Variants in RSF1 observed in about 807,000 individuals in gnomAD.
The protein encoded by RSF1 is remodeling and spacing factor 1.
RSF1 carries 13 observed loss-of-function variants against 145.2 expected under a neutral mutation model. The observed-to-expected ratio is 0.09, with a 90% CI of 0.06 to 0.14. The LOEUF (loss-of-function observed/expected upper bound fraction) is 0.14, where lower values mean the gene tolerates loss of function less well. Among genes scored for constraint, RSF1 ranks in the 10% least tolerant of loss-of-function variants. RSF1 has a pLI of 1.00. For synonymous variants in RSF1, 577 were observed against 592.6 expected (o/e 0.97, Z 0.38); for missense variants, 1,517 against 1,718.2 (o/e 0.88, Z 2.07).
intron 2 of RSF1, among the ~76,000 whole-genome samples, chr11:77,758,241 T>C (rs1464586481): frequency 6.6e-6 from 1 of 151,974 alleles, no homozygotes; most frequent in Non-Finnish European, 1.5e-5. Context: ...AACTTTCACA[T>C]ATTCCATTTT....
At chr11:77,761,840 T>TC (rs1236256925) in intron 2 of RSF1, among the ~76,000 whole-genome samples, 2 of 146,524 alleles carry the variant, frequency 1.4e-5, no homozygotes, top group African/African-American at 5.1e-5. Context: ...TTTTTTTTTT[T>TC]TTTTTTTTGA....
At chr11:77,706,729 C>A (rs903715447) in intron 5 of RSF1, among the ~76,000 whole-genome samples, 5 of 151,740 alleles carry the variant, frequency 3.3e-5, no homozygotes, top group African/African-American at 4.8e-5. Context: ...AGGTAAATTG[C>A]GTATCATGAG....
At chr11:77,729,812 T>C in intron 4 of RSF1, among the ~76,000 whole-genome samples, 1 of 149,756 alleles carries the variant, frequency 6.7e-6, no homozygotes, top group East Asian at 1.9e-4. Flanking sequence ...AACAAGCCTT[T>C]TGTAAATATT....
chr11:77,736,200 G>A (rs1961348226), intron 4 of RSF1, among the ~76,000 whole-genome samples: 1 of 152,172 alleles, frequency 6.6e-6, no homozygotes, highest in Non-Finnish European at 1.5e-5. Context: ...AAACGTTCTT[G>A]CTCCTGTCAA....
intron 1 of RSF1, among the ~76,000 whole-genome samples, chr11:77,772,528 C>T (rs1948296551): frequency 6.6e-6 from 1 of 151,964 alleles, no homozygotes; most frequent in Admixed American, 6.6e-5. Context: ...AAAACCTGCA[C>T]TTAATATAAC....
intron 2 of RSF1, among the ~76,000 whole-genome samples, chr11:77,755,420 A>G (rs1032208365): frequency 2.6e-5 from 4 of 152,214 alleles, no homozygotes; most frequent in African/African-American, 7.2e-5. Flanking sequence ...GCTTTTAACT[A>G]AGGTATTAAA....
chr11:77,801,359 C>T (rs938442798), intron 1 of RSF1, among the ~76,000 whole-genome samples: 1 of 152,020 alleles, frequency 6.6e-6, no homozygotes, highest in Non-Finnish European at 1.5e-5. Context: ...ACCCAGGAGG[C>T]GGAGGCTGCA....
At chr11:77,826,267 C>T in the RSF1 span, among the ~76,000 whole-genome samples, 2 of 151,570 alleles carry the variant, frequency 1.3e-5, no homozygotes, top group Non-Finnish European at 2.9e-5. Flanking sequence ...GAGGCTGAGG[C>T]AGGAGAATCA....
intron 1 of RSF1, among the ~76,000 whole-genome samples, chr11:77,814,307 G>C (rs960826099): frequency 2.6e-5 from 4 of 151,966 alleles, no homozygotes. Flanking sequence ...AGACCAGCCT[G>C]GACAATACAG....
intron 5 of RSF1, among the ~76,000 whole-genome samples, chr11:77,714,917 A>G (rs1960770995): frequency 6.6e-6 from 1 of 152,118 alleles, no homozygotes. Flanking sequence ...TGAGGCCAGG[A>G]GTCTAAGACT....
At chr11:77,843,024 A>T in the RSF1 span, among the ~76,000 whole-genome samples, 1 of 152,138 alleles carries the variant, frequency 6.6e-6, no homozygotes, top group South Asian at 2.1e-4. Flanking sequence ...CATCATTCAG[A>T]TATCTTAGGT....
At chr11:77,709,346 T>C (rs751383897) in intron 5 of RSF1, among the ~76,000 whole-genome samples, 2 of 152,210 alleles carry the variant, frequency 1.3e-5, no homozygotes, top group Non-Finnish European at 2.9e-5. Context: ...ACATGTAACC[T>C]CCATCATGGG....
Position 77,666,644 on chromosome 11 carries a change from G to C in RSF1, c.*273C>G. The C allele has an allele frequency of 3.7e-6, 1 of 268,326 alleles. No homozygotes were observed. The highest frequency in any genetic ancestry group is 6.9e-6 in the Non-Finnish European group (1 of 144,080). The allele number at this position is 268,326 out of a possible 1,614,324, so 16.6% of individuals were successfully genotyped here. On this transcript the variant is annotated 3_prime_UTR_variant, in exon 16 of 16. Coordinates refer to ENST00000308488, the MANE Select transcript of RSF1 (RefSeq NM_016578.4). The stretch of plus-strand genomic sequence containing the variant: ...TAAAGTCAAAAATATACAAATCTTT[G>C]TTGTTATTATAATAAGATTTTTTTC...
rs1440269594 is a variant in RSF1, at chr11:77,663,759, A to G, written c.*3158T>C. The G allele has an allele frequency of 3.3e-5, 5 of 152,192 alleles. No homozygotes were observed. The highest frequency in any genetic ancestry group is 1.2e-4 in the African/African-American group (5 of 41,448). The allele number at this position is 152,192 out of a possible 1,614,324, so 9.4% of individuals were successfully genotyped here. On this transcript the variant is annotated 3_prime_UTR_variant, in exon 16 of 16. Coordinates refer to ENST00000308488, the MANE Select transcript of RSF1 (RefSeq NM_016578.4). ...TTTTCAGTCTGCGTCCTTTTCACAC[A>G]TATTTCAGTTCAAAGCTTCTGCTGT... is the stretch of plus-strand genomic sequence containing the variant.
chr11:77,666,455 A>G lies in RSF1; in HGVS notation c.*462T>C, dbSNP rs1417597512. 6.5e-6 allele frequency: 1 copy of G among 152,750 alleles called. No individual in the cohort carries two copies. The highest frequency in any genetic ancestry group is 2.4e-5 in the African/African-American group (1 of 41,540). 9.5% of individuals were successfully genotyped at this position (152,750 alleles called of 1,614,324 possible). On this transcript the variant is annotated 3_prime_UTR_variant, in exon 16 of 16. Coordinates refer to ENST00000308488, the MANE Select transcript of RSF1 (RefSeq NM_016578.4). ...ACTTGAACTTTTAAATTGTCTGTAA[A>G]TCATCATCTATGCCATGAATGTTTA...
chr11:77,803,570 G>A (rs1948647634), intron 1 of RSF1, among the ~76,000 whole-genome samples: 1 of 151,786 alleles, frequency 6.6e-6, no homozygotes, highest in Admixed American at 6.6e-5. Flanking sequence ...CTTGAGGTCA[G>A]GAGTTCCAGA....
At chr11:77,671,138 A>AATATATATATATATAT (rs1225103987) in intron 15 of RSF1, among the ~76,000 whole-genome samples, 3 of 22,050 alleles carry the variant, frequency 1.4e-4, no homozygotes, top group Non-Finnish European at 2.2e-4. Context: ...AAAAAAAAAA[A>AATATATATATATATAT]ATATATATAT....
At chr11:77,807,525 C>A (rs1296623578) in intron 1 of RSF1, among the ~76,000 whole-genome samples, 1 of 152,102 alleles carries the variant, frequency 6.6e-6, no homozygotes, top group East Asian at 1.9e-4. Flanking sequence ...AAGGAACACA[C>A]CATGCAAAGT....
chr11:77,725,721 A>G, intron 4 of RSF1, 22 bp from the exon 5 acceptor site: 3 of 1,546,940 alleles, frequency 1.9e-6, no homozygotes, highest in South Asian at 1.3e-5. Flanking sequence ...AAAAAATAAG[A>G]CAGCATAAAA....
Sources: gnomAD v4.1 joint callset for allele counts (sites outside exome capture counted in the v4.1 genomes callset) on GRCh38, gnomAD v4.1.1 for gene constraint, MANE v1.5 for transcripts, NCBI Gene and HGNC (gene_info 2026-07-23, HGNC 2026-07-21) for gene names.